Variants in ASPH observed in about 807,000 individuals in gnomAD.
ASPH encodes the protein aspartyl/asparaginyl beta-hydroxylase.
Under a neutral mutation model 118.4 loss-of-function variants are expected in ASPH, and 100 were observed. The observed-to-expected ratio is 0.84, with a 90% confidence interval of 0.72 to 1.00. ASPH has a LOEUF of 1.00. Among genes scored for constraint, ASPH ranks in the 50% least tolerant of loss-of-function variants. The pLI, the probability that ASPH is intolerant of heterozygous loss-of-function variation, is 0.00. For synonymous variants in ASPH, 315 were observed against 325.6 expected (o/e 0.97, Z 0.35); for missense variants, 920 against 919.5 (o/e 1.00, Z -0.01).
intron 8 of ASPH, 73 bp from the exon 9 acceptor site, chr8:61,643,506 T>C: frequency 3.6e-6 from 5 of 1,402,980 alleles, no homozygotes; most frequent in African/African-American, 1.4e-5. Context: ...TCTAGGAGAT[T>C]CATAAATTAA....
intron 18 of ASPH, among the ~76,000 whole-genome samples, chr8:61,559,362 A>G (rs1828986244): frequency 6.6e-6 from 1 of 152,234 alleles, no homozygotes; most frequent in East Asian, 1.9e-4. Flanking sequence ...CAAAATGTGC[A>G]CATGGATTTT....
intron 14 of ASPH, among the ~76,000 whole-genome samples, chr8:61,594,281 T>C (rs1265581562): frequency 6.6e-6 from 1 of 152,256 alleles, no homozygotes; most frequent in Non-Finnish European, 1.5e-5. Context: ...TTAGAAAATA[T>C]CACCCGAATT....
At chr8:61,646,999 T>G in intron 5 of ASPH, 121 bp from the exon 6 acceptor site, 16 of 1,255,334 alleles carry the variant, frequency 1.3e-5, no homozygotes, top group East Asian at 2.4e-5. Context: ...TTTCGGCCGC[T>G]GAAGACACCA....
In ASPH at chr8:61,548,318, A is replaced by G. The variant is rs1185135706; in HGVS notation, c.1627-110T>C. ...AGGTATTACTTTGACACATTTAAAT[A>G]AAGAGCTTACTGCTAGGTACTCAAA... On this transcript the variant is annotated intron_variant, in intron 20 of 24. Transcript: ENST00000379454. The G allele has an allele frequency of 3.9e-6, 5 of 1,298,560 alleles. No individual in the cohort carries two copies. The East Asian group carries it at 7.9e-5, about 21-fold the overall frequency. The allele number at this position is 1,298,560 out of a possible 1,614,324, so 80.4% of individuals were successfully genotyped here.
intron 13 of ASPH, chr8:61,624,794 AT>A (rs1314972943): frequency 2.8e-5 from 28 of 985,686 alleles, no homozygotes; most frequent in African/African-American, 7.0e-5. Flanking sequence ...CCCTAAAAAA[AT>A]ATGGCTTTAT....
At chr8:61,506,262 C>CAA (rs1806510541) in intron 24 of ASPH, among the ~76,000 whole-genome samples, 1 of 152,090 alleles carries the variant, frequency 6.6e-6, no homozygotes, top group East Asian at 1.9e-4. Flanking sequence ...CATCTGAGGT[C>CAA]CTAGACTAGT....
At chr8:61,676,201 C>T (rs755186008) in intron 3 of ASPH, 61 of 1,598,734 alleles carry the variant, frequency 3.8e-5, no homozygotes, top group Non-Finnish European at 6.8e-6. Flanking sequence ...CAAAAGGAGT[C>T]ATTATATCAT....
At chr8:61,684,340 A>C (rs1431826488) in intron 1 of ASPH, 152 bp from the exon 2 acceptor site, 5 of 804,082 alleles carry the variant, frequency 6.2e-6, no homozygotes, top group Non-Finnish European at 9.2e-6. Flanking sequence ...ACGTCACACA[A>C]AATATTTCTG....
chr8:61,665,476 T>C, intron 3 of ASPH: 1 of 1,569,900 alleles, frequency 6.4e-7, no homozygotes, highest in Non-Finnish European at 8.7e-7. Flanking sequence ...TGGATAGGTC[T>C]GCATCAGCAA....
At position 61,677,200 on chromosome 8, in the gene ASPH, A is replaced by C. The variant is rs769314383; in HGVS notation, c.322+3768T>G. Among the ~76,000 whole-genome samples, 19 of 152,298 alleles carry C rather than the reference A, an allele frequency of 1.2e-4. 1 individual carries two copies. Among genetic ancestry groups the C allele is most frequent in the Non-Finnish European group, 2.2e-4 (15 of 68,012 alleles). On this transcript the variant is annotated intron_variant, in intron 3 of 24. Transcript: ENST00000379454. ...CCCTTACAACTAAGTATTGGACCCC[A>C]AACAGGCCTTAGGATAGAAATAAAT...
At chr8:61,588,114 T>A (rs1840006635) in intron 14 of ASPH, among the ~76,000 whole-genome samples, 2 of 152,162 alleles carry the variant, frequency 1.3e-5, no homozygotes, top group African/African-American at 4.8e-5. Flanking sequence ...TTTTGTTGAA[T>A]TTGGATCTTT....
At chr8:61,657,165 T>A (rs1814159994) in intron 3 of ASPH, 2 of 152,176 alleles carry the variant, frequency 1.3e-5, no homozygotes, top group African/African-American at 4.8e-5. Context: ...TTCATAATAC[T>A]TTGGCAAAAG....
In ASPH at chr8:61,579,558, G is replaced by A. The variant is rs888895764; in HGVS notation, c.1063-2700C>T. The A allele has an allele frequency of 3.6e-5, 54 of 1,518,310 alleles. No homozygotes were observed. In the East Asian group the frequency reaches 6.7e-4, roughly 19 times the overall value. 94.1% of individuals were successfully genotyped at this position (1,518,310 alleles called of 1,614,324 possible). ...CCTGGGCTCCAGCTTTGGCTCTGGCGCAGGCTCCAGCTCCCTCAGCCGCAC... is the reference window on the plus strand; with the variant it reads ...CCTGGGCTCCAGCTTTGGCTCTGGCACAGGCTCCAGCTCCCTCAGCCGCAC... On this transcript the variant is annotated intron_variant, in intron 15 of 24. Transcript: ENST00000379454.
At chr8:61,625,240 A>C in intron 13 of ASPH, 5 of 985,808 alleles carry the variant, frequency 5.1e-6, no homozygotes, top group Non-Finnish European at 6.0e-6. Context: ...TAAGAAGAAA[A>C]TCTTCAGTGT....
intron 20 of ASPH, among the ~76,000 whole-genome samples, chr8:61,552,471 T>C (rs1370815952): frequency 6.6e-6 from 1 of 152,246 alleles, no homozygotes. Flanking sequence ...AATGTTCGTC[T>C]TAAACTTGGT....
At chr8:61,701,329 G>A (rs1315037201) in intron 1 of ASPH, among the ~76,000 whole-genome samples, 2 of 152,160 alleles carry the variant, frequency 1.3e-5, no homozygotes, top group African/African-American at 2.4e-5. Flanking sequence ...ATCAGTAAAA[G>A]TACTTAAGCT....
chr8:61,582,554 C>T (rs927841909), intron 15 of ASPH, among the ~76,000 whole-genome samples: 37 of 152,142 alleles, frequency 2.4e-4, no homozygotes, highest in African/African-American at 8.7e-4. Context: ...AATCATTCCA[C>T]GTGGTTAGAT....
rs116527801 is a variant in ASPH, at chr8:61,591,375, G to A, written c.977-7346C>T. Among the ~76,000 whole-genome samples the A allele has an allele frequency of 1.3e-3, 199 of 151,478 alleles. 1 individual carries two copies. The highest frequency in any genetic ancestry group is 4.5e-3 in the African/African-American group (187 of 41,360). On this transcript the variant is annotated intron_variant, in intron 14 of 24. Transcript: ENST00000379454. ...AAAAGTTTCAATGGTCAATAATGGA[G>A]GGGCCCGAAGAGGAAGATTAAAAAA...
chr8:61,681,642 G>A (rs756016907), intron 2 of ASPH, among the ~76,000 whole-genome samples: 34 of 151,624 alleles, frequency 2.2e-4, no homozygotes, highest in Non-Finnish European at 3.4e-4. Context: ...AAAACTGGAG[G>A]CTTCGGAAAT....
Sources: gnomAD v4.1 joint callset for allele counts (sites outside exome capture counted in the v4.1 genomes callset) on GRCh38, gnomAD v4.1.1 for gene constraint, MANE v1.5 for transcripts, NCBI Gene and HGNC (gene_info 2026-07-23, HGNC 2026-07-21) for gene names.